The following DOCK8 variants were observed in gnomAD, a reference collection of about 807,000 sequenced individuals.
DOCK8 encodes the protein dedicator of cytokinesis protein 8.
A neutral mutation model predicts 245.6 loss-of-function variants in DOCK8; 141 were observed. The observed-to-expected ratio is 0.57, with a 90% confidence interval of 0.50 to 0.66. DOCK8 has a LOEUF of 0.66. DOCK8 is among the 30% of genes least tolerant of loss of function. The pLI is 0.00. For missense variants in DOCK8, 2,965 were observed against 2,603.4 expected (o/e 1.14, Z -3.02); for synonymous variants, 1,168 against 970.2 (o/e 1.20, Z -3.79).
Position 439,231 on chromosome 9 carries a change from GT to G in DOCK8, c.5080-13del, listed in dbSNP as rs1367114716. ...TCGCCCTGTTCTCCAGGCTTATACTGTGGTCTCTTTCAGAATATTTCTTCCA... is the reference window on the plus strand; with the variant it reads ...TCGCCCTGTTCTCCAGGCTTATACTGGGTCTCTTTCAGAATATTTCTTCCA... On this transcript the variant is annotated splice_polypyrimidine_tract_variant and intron_variant, in intron 39 of 47. Coordinates refer to ENST00000432829, the MANE Select transcript of DOCK8 (RefSeq NM_203447.4). 2 of 1,614,158 alleles carry G rather than the reference GT, an allele frequency of 1.2e-6. No homozygotes were observed. The highest frequency in any genetic ancestry group is 2.2e-5 in the South Asian group (2 of 91,084).
At chr9:271,481 A>C in intron 1 of DOCK8, 146 bp from the exon 2 acceptor site, 1 of 651,984 alleles carries the variant, frequency 1.5e-6, no homozygotes, top group Admixed American at 2.7e-5. Context: ...GTCCACTAAC[A>C]GGCCACTGAA....
Position 441,275 on chromosome 9 carries a change from C to A in DOCK8, c.5224-11C>A. On this transcript the variant is annotated splice_polypyrimidine_tract_variant and intron_variant, in intron 40 of 47. Transcript: ENST00000432829. The stretch of plus-strand genomic sequence containing the variant: ...TTAAATTCTCTCTGATGCTCTTCTC[C>A]TCTTTCCAAGGGAGGCTTATATGAG... 1 of 1,614,130 alleles carries A rather than the reference C, an allele frequency of 6.2e-7. No homozygotes were observed. The highest frequency in any genetic ancestry group is 8.5e-7 in the Non-Finnish European group (1 of 1,180,010).
chr9:242,320 ACT>A lies in DOCK8; in HGVS notation c.53+27294_53+27295del, dbSNP rs566615993. On this transcript the variant is annotated intron_variant, in intron 1 of 47. Coordinates refer to ENST00000432829, the MANE Select transcript of DOCK8 (RefSeq NM_203447.4). Reference sequence around the variant, plus strand: ...ACACTTGACTGTGACTTTTTTCAAGACTCTGTTTTACAGAGAAGTGGAAAGGT... The same window carrying A: ...ACACTTGACTGTGACTTTTTTCAAGACTGTTTTACAGAGAAGTGGAAAGGT... 1.3e-3 allele frequency among the ~76,000 whole-genome samples: 197 copies of A among 152,052 alleles called. 2 individuals carry two copies. The highest frequency in any genetic ancestry group is 4.6e-3 in the African/African-American group (192 of 41,456).
intron 24 of DOCK8, among the ~76,000 whole-genome samples, chr9:391,757 GAGATTTAGTGATAATGT>G (rs2054200430): frequency 6.6e-6 from 1 of 150,608 alleles, no homozygotes; most frequent in African/African-American, 2.4e-5. Flanking sequence ...GGAGTAGGTT[GAGATTTAGTGATAATGT>G]TAGCTTTATA....
intron 28 of DOCK8, 140 bp from the exon 29 acceptor site, chr9:414,642 T>C (rs1564034140): frequency 3.1e-6 from 3 of 955,140 alleles, no homozygotes; most frequent in Non-Finnish European, 4.9e-6. Flanking sequence ...TTCTGGATTC[T>C]ATGTAGTTCT....
chr9:440,047 C>G (rs1398654870), intron 40 of DOCK8, among the ~76,000 whole-genome samples: 1 of 152,092 alleles, frequency 6.6e-6, no homozygotes, highest in Non-Finnish European at 1.5e-5. Flanking sequence ...GAGACAGAGT[C>G]TAGCTCTGTC....
At chr9:263,375 T>C (rs2047965098) in intron 1 of DOCK8, among the ~76,000 whole-genome samples, 1 of 152,226 alleles carries the variant, frequency 6.6e-6, no homozygotes, top group East Asian at 1.9e-4. Flanking sequence ...ATTTCCCAGA[T>C]GATATAATAT....
intron 1 of DOCK8, among the ~76,000 whole-genome samples, chr9:218,740 A>T (rs2046819297): frequency 6.6e-6 from 1 of 152,242 alleles, no homozygotes; most frequent in African/African-American, 2.4e-5. Flanking sequence ...AGAACCTTGG[A>T]TAAAGAGGAC....
At position 304,720 on chromosome 9, in the gene DOCK8, A is replaced by G. The variant is rs1224148856; in HGVS notation, c.528+16A>G. ...CGCTGCTCAGGTATTTCCTGTCAAC[A>G]AACATGGTTACCAGGTTACTGGGCT... On this transcript the variant is annotated intron_variant, in intron 5 of 47. Coordinates refer to ENST00000432829, the MANE Select transcript of DOCK8 (RefSeq NM_203447.4). 6.2e-7 allele frequency: 1 copy of G among 1,614,126 alleles called. No individual in the cohort carries two copies. The highest frequency in any genetic ancestry group is 1.7e-5 in the Admixed American group (1 of 60,024).
intron 9 of DOCK8, among the ~76,000 whole-genome samples, chr9:331,376 C>T (rs1399476005): frequency 6.6e-6 from 1 of 152,172 alleles, no homozygotes; most frequent in Non-Finnish European, 1.5e-5. Flanking sequence ...AGAGAGACTT[C>T]CTGCTTGGAG....
chr9:403,413 G>A lies in DOCK8; in HGVS notation c.3235-1505G>A, dbSNP rs575000158. 3.2e-3 allele frequency among the ~76,000 whole-genome samples: 491 copies of A among 152,224 alleles called. 1 individual carries two copies. Among genetic ancestry groups the A allele is most frequent in the Non-Finnish European group, 5.5e-3 (376 of 68,018 alleles). On this transcript the variant is annotated intron_variant, in intron 26 of 47. Coordinates refer to ENST00000432829, the MANE Select transcript of DOCK8 (RefSeq NM_203447.4). ...GTCAGCCAGGAGTGCACATCGAAAG[G>A]TTATGGGATCTGGTAACTGTGCTTA... is the stretch of plus-strand genomic sequence containing the variant.
chr9:317,174 C>A, intron 7 of DOCK8, 46 bp downstream of exon 7: 1 of 1,396,822 alleles, frequency 7.2e-7, no homozygotes, highest in Non-Finnish European at 1.0e-6. Context: ...ATTTATCTTG[C>A]CTTTTACATA....
chr9:214,801 C>G (rs773012209), upstream of DOCK8: 21 of 1,583,884 alleles, frequency 1.3e-5, no homozygotes, highest in Non-Finnish European at 1.7e-5. Flanking sequence ...GCTCCGAGCT[C>G]GGACCCTCCC....
intron 6 of DOCK8, among the ~76,000 whole-genome samples, chr9:315,145 A>G (rs1358188727): frequency 6.6e-6 from 1 of 152,218 alleles, no homozygotes; most frequent in East Asian, 1.9e-4. Flanking sequence ...AGAAAATCAC[A>G]GGTAGGCAAA....
Position 311,970 on chromosome 9 carries a change from T to C in DOCK8, c.545T>C (p.Leu182Ser). 6.2e-7 allele frequency: 1 copy of C among 1,614,100 alleles called. No individual in the cohort carries two copies. The highest frequency in any genetic ancestry group is 8.5e-7 in the Non-Finnish European group (1 of 1,180,032). Residue 182 changes from leucine (L) to serine (S), a missense_variant, in exon 6 of 48, where the codon TTA becomes TCA. By Grantham distance (145) the Leu-to-Ser change is moderately radical. Coordinates refer to ENST00000432829, the MANE Select transcript of DOCK8 (RefSeq NM_203447.4). ...CTCTCACAGGCAGGCCCCCGCCACTTAAACGTGCTGTGCGACGTGTCTGGG... is the reference window on the plus strand; with the variant it reads ...CTCTCACAGGCAGGCCCCCGCCACTCAAACGTGCTGTGCGACGTGTCTGGG... ...EPAAQAGPRH[L>S]NVLCDVSGKG...
chr9:342,468 TC>T (rs566426770), intron 14 of DOCK8, among the ~76,000 whole-genome samples: 5,843 of 33,456 alleles, frequency 0.17, 141 homozygotes, highest in South Asian at 0.35. Context: ...GGGGTTTTTT[TC>T]GTTTTTTTGT....
intron 24 of DOCK8, among the ~76,000 whole-genome samples, chr9:395,825 C>T (rs1335084392): frequency 1.3e-5 from 2 of 152,010 alleles, no homozygotes; most frequent in African/African-American, 2.4e-5. Context: ...TTATTCTAGT[C>T]ATAATGCAGA....
intron 18 of DOCK8, 98 bp downstream of exon 18, chr9:372,384 C>A: frequency 2.1e-6 from 2 of 958,148 alleles, no homozygotes; most frequent in South Asian, 2.6e-5. Context: ...CATGGATGTT[C>A]ATCATGTTCT....
intron 1 of DOCK8, among the ~76,000 whole-genome samples, chr9:235,845 A>G (rs1209086899): frequency 6.6e-6 from 1 of 152,108 alleles, no homozygotes; most frequent in Non-Finnish European, 1.5e-5. Flanking sequence ...GACCCCTTGC[A>G]CTTCCCGGGT....
Sources: gnomAD v4.1 joint callset for allele counts (sites outside exome capture counted in the v4.1 genomes callset) on GRCh38, gnomAD v4.1.1 for gene constraint, MANE v1.5 for transcripts, NCBI Gene and HGNC (gene_info 2026-07-23, HGNC 2026-07-21) for gene names.